Variants in DLC1 observed in about 807,000 individuals in gnomAD.
The protein encoded by DLC1 is rho GTPase-activating protein 7.
Under a neutral mutation model 140.3 loss-of-function variants are expected in DLC1, and 54 were observed. That is an observed-to-expected ratio of 0.38 (90% CI 0.31 to 0.48). The LOEUF is 0.48. Ranked by LOEUF, DLC1 falls within the 20% of genes least tolerant of loss-of-function variation. The pLI is 0.96. For missense variants in DLC1, 2,536 were observed against 1,907.0 expected, an observed-to-expected ratio of 1.33 and a Z score of -6.14; for synonymous variants, 986 against 728.1, an observed-to-expected ratio of 1.35 and a Z score of -5.70.
intron 5 of DLC1, among the ~76,000 whole-genome samples, chr8:13,287,929 A>T (rs1831594127): frequency 6.6e-6 from 1 of 151,984 alleles, no homozygotes; most frequent in South Asian, 2.1e-4. Context: ...ATTTGCTCAG[A>T]AATCAGTTGG....
In DLC1 at chr8:13,434,172, C is replaced by T. The variant is rs191014984; in HGVS notation, c.1024-32553G>A. 1.4e-3 allele frequency among the ~76,000 whole-genome samples: 210 copies of T among 152,270 alleles called. 1 individual carries two copies. Among genetic ancestry groups the T allele is most frequent in the Non-Finnish European group, 2.6e-3 (179 of 68,010 alleles). ...GATTACAGGCGTGAGCCACTGCGCC[C>T]AGCCACAATCATGGTTTGTTGGCAA... is the stretch of plus-strand genomic sequence containing the variant. On this transcript the variant is annotated intron_variant, in intron 2 of 17. Transcript: ENST00000276297.
chr8:13,103,224 T>C (rs1819250804), intron 7 of DLC1, among the ~76,000 whole-genome samples: 1 of 151,700 alleles, frequency 6.6e-6, no homozygotes, highest in Non-Finnish European at 1.5e-5. Flanking sequence ...GGCAGGAGAA[T>C]GGCGTGAACC....
intron 2 of DLC1, among the ~76,000 whole-genome samples, chr8:13,439,806 G>C (rs1402557810): frequency 6.6e-6 from 1 of 152,006 alleles, no homozygotes; most frequent in African/African-American, 2.4e-5. Context: ...TCCTAAACCT[G>C]CTCACCATAG....
chr8:13,421,362 A>T (rs1344078805), intron 2 of DLC1, among the ~76,000 whole-genome samples: 1 of 152,162 alleles, frequency 6.6e-6, no homozygotes, highest in Non-Finnish European at 1.5e-5. Context: ...ACAGAGTAGG[A>T]TTCAAAAATA....
chr8:13,598,281 C>T (rs1327703200), intron 1 of DLC1, among the ~76,000 whole-genome samples: 1 of 152,028 alleles, frequency 6.6e-6, no homozygotes, highest in Non-Finnish European at 1.5e-5. Flanking sequence ...CTAGTGCTTG[C>T]TGCTAGCCAG....
chr8:13,400,169 G>A (rs1340214975), intron 3 of DLC1, among the ~76,000 whole-genome samples: 1 of 152,190 alleles, frequency 6.6e-6, no homozygotes, highest in Non-Finnish European at 1.5e-5. Flanking sequence ...GGAGTTTTGA[G>A]GGCTTTGGGA....
At position 13,503,085 on chromosome 8, in the gene DLC1, T is replaced by C. The variant is rs564067502; in HGVS notation, c.-125-2889A>G. Among the ~76,000 whole-genome samples, 12 of 152,334 alleles carry C rather than the reference T, an allele frequency of 7.9e-5. No homozygotes were observed. The East Asian group carries it at 2.3e-3, about 29-fold the overall frequency. On this transcript the variant is annotated intron_variant, in intron 1 of 17. Coordinates refer to ENST00000276297, the MANE Select transcript of DLC1 (RefSeq NM_182643.3). ...CTTACCATGCCTTAACGTAAGAGTT[T>C]TATAGCATACAATATATACATTAAA...
intron 2 of DLC1, among the ~76,000 whole-genome samples, chr8:13,453,422 A>ATATTTTTTTTTTTTTTTTTTTTTTTT (rs1554523043): frequency 3.7e-4 from 12 of 32,566 alleles, no homozygotes; most frequent in African/African-American, 1.8e-3. Context: ...ATATATATAT[A>ATATTTTTTTTTTTTTTTTTTTTTTTT]TGTGTATATA....
chr8:13,403,807 G>GT (rs369715973), intron 2 of DLC1, among the ~76,000 whole-genome samples: 52,192 of 87,398 alleles, frequency 0.6, 15,051 homozygotes, highest in East Asian at 0.86. Flanking sequence ...AGGTCTGGCT[G>GT]TTTTTTTTTT....
chr8:13,222,258 T>C (rs370973656), intron 5 of DLC1, among the ~76,000 whole-genome samples: 2 of 151,966 alleles, frequency 1.3e-5, no homozygotes, highest in East Asian at 1.9e-4. Context: ...AGAAAAGAGA[T>C]AGAGAAACCC....
At chr8:13,238,891 C>T (rs527418794) in intron 5 of DLC1, among the ~76,000 whole-genome samples, 1 of 152,314 alleles carries the variant, frequency 6.6e-6, no homozygotes, top group East Asian at 1.9e-4. Flanking sequence ...CAAGCATTTG[C>T]TGAGCCTACT....
intron 6 of DLC1, among the ~76,000 whole-genome samples, chr8:13,113,848 A>G (rs1369564803): frequency 5.9e-5 from 9 of 152,252 alleles, no homozygotes; most frequent in African/African-American, 2.2e-4. Flanking sequence ...AAGATATTTT[A>G]CACGGTCTAA....
At chr8:13,406,063 G>T (rs2117273881) in intron 2 of DLC1, among the ~76,000 whole-genome samples, 1 of 145,166 alleles carries the variant, frequency 6.9e-6, no homozygotes, top group South Asian at 2.2e-4. Context: ...CTGGAGTGCA[G>T]TGGCACAATC....
intron 4 of DLC1, among the ~76,000 whole-genome samples, chr8:13,347,455 G>A (rs751669799): frequency 6.6e-6 from 1 of 152,196 alleles, no homozygotes; most frequent in Non-Finnish European, 1.5e-5. Flanking sequence ...GAGTAGTGGT[G>A]TCGGGGATGG....
In DLC1 at chr8:13,552,740, C is replaced by T. The variant is rs76325417; in HGVS notation, c.-126+51797G>A. Among the ~76,000 whole-genome samples the T allele has an allele frequency of 9.1e-3, 1,380 of 151,548 alleles. 25 individuals are homozygous for T. Among genetic ancestry groups the T allele is most frequent in the African/African-American group, 0.032 (1,318 of 41,448 alleles). On this transcript the variant is annotated intron_variant, in intron 1 of 1. Coordinates refer to the DLC1 transcript ENST00000631382. ...AGGGTTTTGTCATATTTTTTAAATG[C>T]AAGAAAATGAGACTGAACTTTGTAT...
chr8:13,583,383 A>G (rs542252016), intron 1 of DLC1, among the ~76,000 whole-genome samples: 1 of 152,192 alleles, frequency 6.6e-6, no homozygotes, highest in Non-Finnish European at 1.5e-5. Context: ...TTGCTCATCC[A>G]TAAGAAGCAA....
intron 5 of DLC1, among the ~76,000 whole-genome samples, chr8:13,198,752 C>T (rs1827209714): frequency 6.6e-6 from 1 of 150,696 alleles, no homozygotes; most frequent in Non-Finnish European, 1.5e-5. Context: ...GAGTCTCGCT[C>T]TGTCACCCAG....
intron 13 of DLC1, among the ~76,000 whole-genome samples, chr8:13,091,973 G>A (rs189975467): frequency 1.3e-4 from 20 of 152,296 alleles, no homozygotes; most frequent in Admixed American, 3.3e-4. Context: ...GTGGCCGGGC[G>A]CAGTGGCTCA....
At chr8:13,229,138 T>C (rs942743943) in intron 5 of DLC1, among the ~76,000 whole-genome samples, 4 of 152,164 alleles carry the variant, frequency 2.6e-5, no homozygotes, top group Non-Finnish European at 5.9e-5. Flanking sequence ...CAAACGTTCA[T>C]AGCAGCTTTC....
Sources: allele counts gnomAD v4.1 joint callset (sites outside exome capture counted in the v4.1 genomes callset), GRCh38; gene constraint gnomAD v4.1.1; transcripts MANE v1.5; gene names NCBI Gene and HGNC (gene_info 2026-07-23, HGNC 2026-07-21).